CAMK1D: variants seen among roughly 807,000 people sequenced by gnomAD.
The protein encoded by CAMK1D is calcium/calmodulin dependent protein kinase ID, also known as calcium/calmodulin-dependent protein kinase type 1D.
Under a neutral mutation model 47.7 loss-of-function variants are expected in CAMK1D, and 9 were observed. That is an observed-to-expected ratio of 0.19 (90% CI 0.11 to 0.33). The LOEUF is 0.33. CAMK1D is among the 10% of genes least tolerant of loss of function. The pLI is 1.00. For synonymous variants in CAMK1D, 184 were observed against 184.9 expected (o/e 0.99, Z 0.04); for missense variants, 291 against 488.7 (o/e 0.60, Z 3.81).
intron 1 of CAMK1D, among the ~76,000 whole-genome samples, chr10:12,468,747 C>A (rs554161018): frequency 1.3e-5 from 2 of 152,162 alleles, no homozygotes; most frequent in Non-Finnish European, 2.9e-5. Context: ...GTCAGGGGCT[C>A]TTAAGTCTGA....
intron 2 of CAMK1D, among the ~76,000 whole-genome samples, chr10:12,602,809 G>C (rs1335948509): frequency 6.6e-6 from 1 of 152,014 alleles, no homozygotes; most frequent in Non-Finnish European, 1.5e-5. Flanking sequence ...GTGGGAAGGG[G>C]AAGTTGAGGA....
chr10:12,469,251 C>A (rs1371020095), intron 1 of CAMK1D, among the ~76,000 whole-genome samples: 3 of 152,030 alleles, frequency 2.0e-5, no homozygotes, highest in Admixed American at 2.0e-4. Context: ...GAAAAGCCAC[C>A]CAGCATTTCT....
chr10:12,616,568 G>A (rs111296386), intron 2 of CAMK1D, among the ~76,000 whole-genome samples: 1,905 of 152,096 alleles, frequency 0.013, 30 homozygotes, highest in African/African-American at 0.037. Context: ...CCCAGGCTGG[G>A]GTGCAGTGGT....
chr10:12,552,934 G>T (rs1836633371), intron 1 of CAMK1D, among the ~76,000 whole-genome samples: 1 of 152,046 alleles, frequency 6.6e-6, no homozygotes, highest in Non-Finnish European at 1.5e-5. Flanking sequence ...GTAGAGACGG[G>T]GTTTCATCAT....
intron 4 of CAMK1D, among the ~76,000 whole-genome samples, chr10:12,762,393 TG>T (rs1449052330): frequency 6.6e-6 from 1 of 152,238 alleles, no homozygotes; most frequent in Non-Finnish European, 1.5e-5. Flanking sequence ...TACCTGCTAC[TG>T]GGTATTAAGG....
At chr10:12,547,471 C>T (rs1353908876) in intron 1 of CAMK1D, among the ~76,000 whole-genome samples, 8 of 152,214 alleles carry the variant, frequency 5.3e-5, no homozygotes, top group South Asian at 4.1e-4. Context: ...TTGTGTTTTA[C>T]AGCCTATAGA....
intron 1 of CAMK1D, among the ~76,000 whole-genome samples, chr10:12,366,196 A>G (rs766681493): frequency 7.2e-5 from 11 of 152,254 alleles, no homozygotes; most frequent in Non-Finnish European, 1.2e-4. Context: ...CAAACCCCAA[A>G]GTTTCATAGT....
At chr10:12,685,373 A>G (rs118074547) in intron 3 of CAMK1D, among the ~76,000 whole-genome samples, 27 of 152,330 alleles carry the variant, frequency 1.8e-4, no homozygotes, top group Non-Finnish European at 3.7e-4. Context: ...CTTTAGTTGT[A>G]GATAAGTGTT....
At chr10:12,764,211 T>C (rs959942415) in intron 4 of CAMK1D, among the ~76,000 whole-genome samples, 1 of 151,972 alleles carries the variant, frequency 6.6e-6, no homozygotes, top group Non-Finnish European at 1.5e-5. Context: ...TGAAACCCCA[T>C]CTCTACTAAA....
rs573420279 is a variant in CAMK1D at position 12,434,431 on chromosome 10, A to G, written c.92+84521A>G. On this transcript the variant is annotated intron_variant, in intron 1 of 10. Transcript: ENST00000619168. ...AGCCTTGATCATGGATGCCCATGAG[A>G]TGCCCACTACCCTAGTGACCAGGAA... Among the ~76,000 whole-genome samples the G allele has an allele frequency of 2.4e-4, 37 of 152,232 alleles. 1 individual carries two copies. Among genetic ancestry groups the G allele is most frequent in the Admixed American group, 1.7e-3 (26 of 15,296 alleles).
At chr10:12,751,354 A>T (rs1564535701) in intron 3 of CAMK1D, among the ~76,000 whole-genome samples, 1 of 152,124 alleles carries the variant, frequency 6.6e-6, no homozygotes, top group Non-Finnish European at 1.5e-5. Flanking sequence ...TCCTGCCTCA[A>T]ATGATCCTTC....
intron 1 of CAMK1D, among the ~76,000 whole-genome samples, chr10:12,499,281 G>A (rs1242963567): frequency 6.6e-6 from 1 of 152,078 alleles, no homozygotes. Context: ...TTAGTAAGAT[G>A]CAAATGGACG....
At chr10:12,545,427 T>G (rs1268863780) in intron 1 of CAMK1D, among the ~76,000 whole-genome samples, 2 of 119,264 alleles carry the variant, frequency 1.7e-5, no homozygotes, top group East Asian at 4.8e-4. Context: ...CCAGCCTGGG[T>G]GACAGAGCGA....
At chr10:12,586,070 C>A (rs1837808058) in intron 2 of CAMK1D, among the ~76,000 whole-genome samples, 2 of 152,110 alleles carry the variant, frequency 1.3e-5, no homozygotes, top group Non-Finnish European at 2.9e-5. Context: ...TTGGATGGAG[C>A]CCTTCCGAGC....
At chr10:12,676,978 A>G (rs1840830216) in intron 3 of CAMK1D, among the ~76,000 whole-genome samples, 1 of 152,174 alleles carries the variant, frequency 6.6e-6, no homozygotes, top group African/African-American at 2.4e-5. Flanking sequence ...TGAGTTTTTT[A>G]CCAGTGTTGT....
chr10:12,434,742 C>A (rs1378068739), intron 1 of CAMK1D, among the ~76,000 whole-genome samples: 1 of 152,164 alleles, frequency 6.6e-6, no homozygotes, highest in South Asian at 2.1e-4. Flanking sequence ...TGATGTTCAC[C>A]GGGTAATGCT....
intron 2 of CAMK1D, among the ~76,000 whole-genome samples, chr10:12,647,068 C>G (rs1450674629): frequency 6.6e-6 from 1 of 151,114 alleles, no homozygotes; most frequent in Non-Finnish European, 1.5e-5. Flanking sequence ...GTCTCGAACT[C>G]CTGACTTTGT....
At chr10:12,362,558 C>T (rs1000916452) in intron 1 of CAMK1D, among the ~76,000 whole-genome samples, 9 of 151,848 alleles carry the variant, frequency 5.9e-5, no homozygotes, top group South Asian at 2.1e-4. Flanking sequence ...AGTGCAGTGG[C>T]GCCATCTCAG....
intron 1 of CAMK1D, among the ~76,000 whole-genome samples, chr10:12,406,130 G>T (rs757351003): frequency 6.6e-5 from 10 of 152,168 alleles, no homozygotes; most frequent in Non-Finnish European, 1.3e-4. Context: ...GTGTTTCTCA[G>T]TGGCAGTTCC....
Sources: allele counts gnomAD v4.1 joint callset (sites outside exome capture counted in the v4.1 genomes callset), GRCh38; gene constraint gnomAD v4.1.1; transcripts MANE v1.5; gene names NCBI Gene and HGNC (gene_info 2026-07-23, HGNC 2026-07-21).